The following TERB2 variants were observed in gnomAD, a reference collection of about 807,000 sequenced individuals.
TERB2 encodes telomere repeats-binding bouquet formation protein 2.
A neutral mutation model predicts 29.8 loss-of-function variants in TERB2; 26 were observed. That is an observed-to-expected ratio of 0.87 (90% CI 0.64 to 1.21). The LOEUF is 1.21. Among genes scored for constraint, TERB2 ranks in the 50% most tolerant of loss-of-function variants. The probability of loss-of-function intolerance (pLI) is 0.00; values close to 1 mark genes in which losing one functional copy is unlikely to be tolerated. For missense variants in TERB2, 240 were observed against 268.6 expected, an observed-to-expected ratio of 0.89 and a Z score of 0.74; for synonymous variants, 80 against 90.8, an observed-to-expected ratio of 0.88 and a Z score of 0.68.
In TERB2 at chr15:44,958,479, C is replaced by A; in HGVS notation, c.253C>A (p.His85Asn). 1 of 1,613,850 alleles carries A rather than the reference C, an allele frequency of 6.2e-7. No individual in the cohort carries two copies. Among genetic ancestry groups the A allele is most frequent in the Non-Finnish European group, 8.5e-7 (1 of 1,179,886 alleles). The change falls in exon 3 of 7, where the codon CAT becomes AAT. Residue 85 changes from histidine to asparagine, a missense_variant. Transcript: ENST00000340827. Reference sequence around the variant, plus strand: ...AATAAAAAACTCGGTGGCTTTGGGTCATTTCATTCTTCCTCCTGCGTGCCT... The same window carrying A: ...AATAAAAAACTCGGTGGCTTTGGGTAATTTCATTCTTCCTCCTGCGTGCCT... ...AKIKNSVALG[H>N]FILPPACLQK...
intron 4 of TERB2, among the ~76,000 whole-genome samples, chr15:44,965,492 A>G (rs1050743850): frequency 6.9e-6 from 1 of 144,134 alleles, no homozygotes; most frequent in Non-Finnish European, 1.5e-5. Flanking sequence ...ATATTTATAT[A>G]GATATATATT....
intron 5 of TERB2, among the ~76,000 whole-genome samples, chr15:44,971,962 A>G (rs1891977513): frequency 7.6e-6 from 1 of 131,274 alleles, no homozygotes; most frequent in African/African-American, 2.8e-5. Flanking sequence ...CTTTTGGGAG[A>G]GTTTAAATGA....
At chr15:44,975,152 T>C (rs755209163) in intron 6 of TERB2, among the ~76,000 whole-genome samples, 6 of 152,354 alleles carry the variant, frequency 3.9e-5, no homozygotes, top group Non-Finnish European at 2.9e-5. Context: ...GTGAATTTTA[T>C]TGGTAGAACT....
At chr15:44,970,055 T>G (rs1167108895) in intron 5 of TERB2, 1 of 152,054 alleles carries the variant, frequency 6.6e-6, no homozygotes, top group Non-Finnish European at 1.5e-5. Context: ...AAATTTTTAT[T>G]ATGTTGATCC....
intron 3 of TERB2, among the ~76,000 whole-genome samples, chr15:44,960,866 T>C (rs1170289899): frequency 1.3e-5 from 2 of 152,022 alleles, no homozygotes; most frequent in East Asian, 1.9e-4. Flanking sequence ...ATACTGACCA[T>C]TGTAGAATTC....
In TERB2 at chr15:44,978,565, G is replaced by T. The variant is rs747705340; in HGVS notation, c.600G>T (p.Leu200Phe). ...TCATTCCTGGAACCTCAGGATATTTGGCATATCATGTTCAAAATGAAATTA... is the reference window on the plus strand; with the variant it reads ...TCATTCCTGGAACCTCAGGATATTTTGCATATCATGTTCAAAATGAAATTA... ...HDFIPGTSGY[L>F]AYHVQNEINM... Residue 200 changes from leucine (L) to phenylalanine (F), a missense_variant, in exon 7 of 7, where the codon TTG (leucine) becomes TTT (phenylalanine). Physicochemically the swap from Leu to Phe is conservative, Grantham distance 22. Transcript: ENST00000340827. 7 of 1,608,758 alleles carry T rather than the reference G, an allele frequency of 4.4e-6. No individual in the cohort carries two copies. The East Asian group carries it at 1.3e-4, about 31-fold the overall frequency.
At chr15:44,961,230 AC>A (rs1272214554) in intron 3 of TERB2, among the ~76,000 whole-genome samples, 2 of 142,560 alleles carry the variant, frequency 1.4e-5, no homozygotes, top group Non-Finnish European at 3.0e-5. Flanking sequence ...ACACACACAC[AC>A]ATCTAATGTA....
Position 44,978,759 on chromosome 15 carries a change from T to C in TERB2, c.*131T>C, listed in dbSNP as rs533629771. 5 of 1,192,326 alleles carry C rather than the reference T, an allele frequency of 4.2e-6. No homozygotes were observed. In the Admixed American group the frequency reaches 1.8e-4, roughly 42 times the overall value. The allele number at this position is 1,192,326 out of a possible 1,614,324, so 73.9% of individuals were successfully genotyped here. A position where few individuals can be genotyped will look rare whatever the true frequency, so the allele number is the denominator to read the frequency against. On this transcript the variant is annotated 3_prime_UTR_variant, in exon 7 of 7. Transcript: ENST00000340827. Reference sequence around the variant, plus strand: ...AATAATTTTTCTGTTTCTCAAAGTATATCTTTAGGAAATACAGAATCATTT... The same window carrying C: ...AATAATTTTTCTGTTTCTCAAAGTACATCTTTAGGAAATACAGAATCATTT...
chr15:44,966,135 G>A, intron 4 of TERB2, 23 bp from the exon 5 acceptor site: 2 of 1,420,066 alleles, frequency 1.4e-6, no homozygotes, highest in Non-Finnish European at 1.9e-6. Flanking sequence ...TTTTTAAAAT[G>A]TGATTTACTT....
intron 4 of TERB2, among the ~76,000 whole-genome samples, chr15:44,963,893 C>T (rs998426183): frequency 4.7e-5 from 7 of 149,424 alleles, no homozygotes; most frequent in Admixed American, 2.7e-4. Flanking sequence ...TTACTGCGAC[C>T]ACCACCTCCT....
chr15:44,966,743 G>C (rs1353657773), intron 5 of TERB2, among the ~76,000 whole-genome samples: 1 of 152,142 alleles, frequency 6.6e-6, no homozygotes, highest in African/African-American at 2.4e-5. Context: ...ATTTTATTAG[G>C]ATGAAAAGTG....
chr15:44,956,732 A>C lies in TERB2; in HGVS notation c.14A>C (p.Gln5Pro), dbSNP rs769941241. The change falls in exon 1 of 7, where the codon CAG (glutamine) becomes CCG (proline). Residue 5 changes from glutamine (Q) to proline (P), a missense_variant. Gln to Pro is a moderately conservative substitution (Grantham distance 76, BLOSUM62 -1). Transcript: ENST00000340827. Reference sequence around the variant, plus strand: ...CTTGGCGACGCCATGTTTCAAGGGCAGCGCGGTTGGTTTTGCGGCAGCGTT... The same window carrying C: ...CTTGGCGACGCCATGTTTCAAGGGCCGCGCGGTTGGTTTTGCGGCAGCGTT... MFQG[Q>P]RGWFCGSVSQ... The C allele has an allele frequency of 1.9e-6, 3 of 1,610,412 alleles. No homozygotes were observed. Among genetic ancestry groups the C allele is most frequent in the East Asian group, 2.2e-5 (1 of 44,840 alleles).
chr15:44,962,114 T>C (rs986098264), intron 4 of TERB2, among the ~76,000 whole-genome samples: 10 of 152,068 alleles, frequency 6.6e-5, no homozygotes, highest in African/African-American at 2.4e-4. Flanking sequence ...ATTATTCCCA[T>C]AAGAAACTTG....
intron 6 of TERB2, among the ~76,000 whole-genome samples, chr15:44,974,407 A>T (rs971787748): frequency 1.3e-5 from 2 of 152,230 alleles, no homozygotes; most frequent in Non-Finnish European, 2.9e-5. Context: ...TAAATATTTT[A>T]AAAACCAAAC....
At chr15:44,962,043 T>G (rs1027346103) in intron 4 of TERB2, among the ~76,000 whole-genome samples, 1 of 152,136 alleles carries the variant, frequency 6.6e-6, no homozygotes, top group African/African-American at 2.4e-5. Flanking sequence ...GAATATTACT[T>G]GGTTCGACAT....
At chr15:44,973,280 T>C (rs1891997422) in intron 5 of TERB2, among the ~76,000 whole-genome samples, 1 of 152,216 alleles carries the variant, frequency 6.6e-6, no homozygotes, top group Non-Finnish European at 1.5e-5. Flanking sequence ...TCATTTAAAA[T>C]AGAATCTACT....
rs373148268 is a variant in TERB2 at position 44,957,741 on chromosome 15, A to G, written c.147-632A>G. Among the ~76,000 whole-genome samples the G allele has an allele frequency of 2.2e-3, 333 of 152,054 alleles. 2 individuals carry two copies. Among genetic ancestry groups the G allele is most frequent in the African/African-American group, 7.5e-3 (311 of 41,460 alleles). ...CCCTGAGATCCCCCTTCGCATGGCT[A>G]TCAGATTTCGTTTACAAACCAGACA... is the stretch of plus-strand genomic sequence containing the variant. On this transcript the variant is annotated intron_variant, in intron 2 of 6. Coordinates refer to ENST00000340827, the MANE Select transcript of TERB2 (RefSeq NM_152448.3).
intron 3 of TERB2, among the ~76,000 whole-genome samples, chr15:44,961,213 T>TAC (rs1433205882): frequency 5.0e-5 from 7 of 140,740 alleles, no homozygotes; most frequent in African/African-American, 1.9e-4. Context: ...TATATATATA[T>TAC]ATACACACAC....
intron 5 of TERB2, among the ~76,000 whole-genome samples, chr15:44,973,007 C>T (rs1021103861): frequency 2.6e-5 from 4 of 151,234 alleles, no homozygotes; most frequent in Admixed American, 6.6e-5. Flanking sequence ...CTCAACCTTC[C>T]GAGTAGCTGG....
Sources: gnomAD v4.1 joint callset for allele counts (sites outside exome capture counted in the v4.1 genomes callset) on GRCh38, gnomAD v4.1.1 for gene constraint, MANE v1.5 for transcripts, NCBI Gene and HGNC (gene_info 2026-07-23, HGNC 2026-07-21) for gene names.